The following BCR variants were observed in gnomAD, a reference collection of about 807,000 sequenced individuals.
The protein encoded by BCR is BCR activator of RhoGEF and GTPase.
BCR carries 58 observed loss-of-function variants against 138.6 expected under a neutral mutation model. That is an observed-to-expected ratio of 0.42 (90% CI 0.34 to 0.52). BCR has a LOEUF of 0.52. Ranked by LOEUF, BCR falls within the 20% of genes least tolerant of loss-of-function variation. The probability of loss-of-function intolerance (pLI) is 0.06; values close to 1 mark genes in which losing one functional copy is unlikely to be tolerated. For missense variants in BCR, 1,599 were observed against 1,727.2 expected (o/e 0.93, Z 1.32); for synonymous variants, 786 against 730.1 (o/e 1.08, Z -1.23).
intron 1 of BCR, among the ~76,000 whole-genome samples, chr22:23,253,012 G>A (rs773976372): frequency 1.1e-4 from 16 of 152,182 alleles, no homozygotes; most frequent in Admixed American, 7.2e-4. Context: ...TCTATTGGCC[G>A]TAAATTGGAG....
intron 1 of BCR, among the ~76,000 whole-genome samples, chr22:23,184,103 T>C (rs78635061): frequency 0.055 from 8,347 of 152,300 alleles, 330 homozygotes; most frequent in Middle Eastern, 0.14. Flanking sequence ...TTTTTTGTTT[T>C]TAAGAGACAG....
intron 1 of BCR, among the ~76,000 whole-genome samples, chr22:23,236,165 C>T (rs2073020557): frequency 6.6e-6 from 1 of 152,154 alleles, no homozygotes; most frequent in African/African-American, 2.4e-5. Flanking sequence ...CACCAGCCAG[C>T]CAGGTGGCCT....
At position 23,273,802 on chromosome 22, in the gene BCR, C is replaced by T; in HGVS notation, c.2115+28C>T. The T allele has an allele frequency of 2.5e-6, 4 of 1,612,550 alleles. No homozygotes were observed. The African/African-American group carries it at 5.3e-5, about 21-fold the overall frequency. On this transcript the variant is annotated intron_variant, in intron 8 of 22. Coordinates refer to ENST00000305877, the MANE Select transcript of BCR (RefSeq NM_004327.4). ...GAGTGTGGCAGGGGATGGCTTGGGT[C>T]CACCCATCCTGCTGAGCTGGGGGCA...
At chr22:23,211,841 G>A (rs1392528891) in intron 1 of BCR, among the ~76,000 whole-genome samples, 1 of 152,108 alleles carries the variant, frequency 6.6e-6, no homozygotes, top group Non-Finnish European at 1.5e-5. Context: ...CCCTCCAGGG[G>A]TAGGGGCTGG....
At position 23,273,065 on chromosome 22, in the gene BCR, C is replaced by A; in HGVS notation, c.1922-16C>A. 2.5e-6 allele frequency: 4 copies of A among 1,611,520 alleles called. No individual in the cohort carries two copies. The highest frequency in any genetic ancestry group is 3.4e-6 in the Non-Finnish European group (4 of 1,178,264). On this transcript the variant is annotated splice_polypyrimidine_tract_variant and intron_variant, in intron 6 of 22. Coordinates refer to ENST00000305877, the MANE Select transcript of BCR (RefSeq NM_004327.4). ...CTCCATGTGCAACCTCTCTCACCTC[C>A]CCTCTCTCTCCACAGCTCTGCTCTA... is the stretch of plus-strand genomic sequence containing the variant.
intron 8 of BCR, chr22:23,283,071 G>C (rs1427488429): frequency 1.3e-5 from 2 of 152,246 alleles, no homozygotes; most frequent in African/African-American, 4.8e-5. Flanking sequence ...CGTGGGGAAG[G>C]CTTGCTGCGA....
chr22:23,283,980 C>A lies in BCR; in HGVS notation c.2119C>A (p.Arg707=). 6.3e-7 allele frequency: 1 copy of A among 1,594,562 alleles called. No individual in the cohort carries two copies. Among genetic ancestry groups the A allele is most frequent in the Non-Finnish European group, 8.5e-7 (1 of 1,170,614 alleles). The part of the protein sequence containing the change: ...QSMTVKKGEH[R]QLLKDSFMVE... ...CCAGCCTTCCCTGTGCCTGCAGCAC[C>A]GGCAGCTGCTGAAGGACAGCTTCAT... The change falls in exon 9 of 23, where the codon CGG becomes AGG. Residue 707 remains arginine (R), a synonymous_variant. Transcript: ENST00000305877.
rs186786549 is a variant in BCR at position 23,288,675 on chromosome 22, C to T, written c.2602+503C>T. On this transcript the variant is annotated intron_variant, in intron 12 of 22. Transcript: ENST00000305877. ...TTGGCTGGGCCCACTTGGGCATTCA[C>T]ACTGTGCTGGCCCCACTGCCCTGTT... is the stretch of plus-strand genomic sequence containing the variant. 8.1e-3 allele frequency among the ~76,000 whole-genome samples: 1,235 copies of T among 152,246 alleles called. 9 individuals carry two copies. Among genetic ancestry groups the T allele is most frequent in the Non-Finnish European group, 0.013 (853 of 67,996 alleles).
At chr22:23,186,370 T>A (rs1489981515) in intron 1 of BCR, among the ~76,000 whole-genome samples, 1 of 152,102 alleles carries the variant, frequency 6.6e-6, no homozygotes, top group African/African-American at 2.4e-5. Flanking sequence ...TTAACCCTTT[T>A]AAATTGTTTC....
chr22:23,263,787 A>G lies in BCR; in HGVS notation c.1752+2247A>G, dbSNP rs923385644. Reference sequence around the variant, plus strand: ...CATTGTGAGTGGCTCCAGGGACAGGACGGCCAAGGTGTGGCCTTTGGCCTC... The same window carrying G: ...CATTGTGAGTGGCTCCAGGGACAGGGCGGCCAAGGTGTGGCCTTTGGCCTC... On this transcript the variant is annotated intron_variant, in intron 4 of 22. Transcript: ENST00000305877. The G allele has an allele frequency of 2.8e-5, 40 of 1,408,538 alleles. No individual in the cohort carries two copies. The African/African-American group carries it at 4.8e-4, about 17-fold the overall frequency. 87.3% of individuals were successfully genotyped at this position (1,408,538 alleles called of 1,614,324 possible).
intron 16 of BCR, among the ~76,000 whole-genome samples, chr22:23,305,667 A>G (rs1316362133): frequency 1.3e-5 from 2 of 152,178 alleles, no homozygotes; most frequent in Non-Finnish European, 2.9e-5. Flanking sequence ...CTAGGCCACC[A>G]TCTGCCAGGC....
intron 20 of BCR, among the ~76,000 whole-genome samples, 187 bp downstream of exon 20, chr22:23,313,208 T>C (rs977568571): frequency 6.6e-6 from 1 of 152,196 alleles, no homozygotes; most frequent in Non-Finnish European, 1.5e-5. Flanking sequence ...TGCCCATCCC[T>C]AGAGGGCTCC....
chr22:23,313,980 C>T lies in BCR; in HGVS notation c.3470C>T (p.Pro1157Leu), dbSNP rs1034990413. 1.7e-5 allele frequency: 27 copies of T among 1,613,814 alleles called. No individual in the cohort carries two copies. Among genetic ancestry groups the T allele is most frequent in the Admixed American group, 8.3e-5 (5 of 59,980 alleles). ...CCGCCTTCTGCAGCTCTTTCAGACC[C>T]GGTTGCAAAGGAGAGCTGCATGCTC... The part of the protein sequence containing the change: ...NFAEGIALSD[P>L]VAKESCMLNL... Residue 1157 changes from proline to leucine, a missense_variant, in exon 21 of 23, where the codon CCG (proline) becomes CTG (leucine). By Grantham distance (98) the Pro-to-Leu change is moderately conservative (BLOSUM62 -3). Transcript: ENST00000305877.
chr22:23,237,912 A>G (rs552476614), intron 1 of BCR, among the ~76,000 whole-genome samples: 4 of 152,362 alleles, frequency 2.6e-5, no homozygotes, highest in African/African-American at 9.6e-5. Flanking sequence ...TTTTTCTGGA[A>G]AGGAGCGAAA....
rs750306537 is a variant in BCR, at chr22:23,242,815, C to G, written c.1280-10984C>G. ...ACAACAACAAACATTTATTCTCTCC[C>G]AGTTCTGAAGACTGAAGTCCCACAT... On this transcript the variant is annotated intron_variant, in intron 1 of 22. Coordinates refer to ENST00000305877, the MANE Select transcript of BCR (RefSeq NM_004327.4). 12 of 454,254 alleles carry G rather than the reference C, an allele frequency of 2.6e-5. No homozygotes were observed. The East Asian group carries it at 8.4e-4, about 32-fold the overall frequency. The allele number at this position is 454,254 out of a possible 1,614,324, so 28.1% of individuals were successfully genotyped here.
At chr22:23,201,776 C>G (rs1314828748) in intron 1 of BCR, among the ~76,000 whole-genome samples, 1 of 152,114 alleles carries the variant, frequency 6.6e-6, no homozygotes, top group African/African-American at 2.4e-5. Context: ...TTTTGAAAAG[C>G]TCCCTGGGTG....
chr22:23,290,077 C>A, intron 13 of BCR: 1 of 557,942 alleles, frequency 1.8e-6, no homozygotes, highest in Non-Finnish European at 3.2e-6. Context: ...CACATCACCC[C>A]GACCCCCTCT....
chr22:23,266,578 CTG>C (rs1259285698), intron 4 of BCR, among the ~76,000 whole-genome samples: 7 of 152,150 alleles, frequency 4.6e-5, no homozygotes, highest in African/African-American at 1.4e-4. Context: ...TCAGTAGAAA[CTG>C]GGTATTGCCA....
At chr22:23,263,290 T>C in intron 4 of BCR, 1 of 1,143,424 alleles carries the variant, frequency 8.7e-7, no homozygotes, top group Non-Finnish European at 1.3e-6. Context: ...CTGGCCCAGG[T>C]GTACCGCTGG....
Sources: gnomAD v4.1 joint callset for allele counts (sites outside exome capture counted in the v4.1 genomes callset) on GRCh38, gnomAD v4.1.1 for gene constraint, MANE v1.5 for transcripts, NCBI Gene and HGNC (gene_info 2026-07-23, HGNC 2026-07-21) for gene names.